The following MBOAT2 variants were observed in gnomAD, a reference collection of about 807,000 sequenced individuals.
MBOAT2 encodes membrane-bound glycerophospholipid O-acyltransferase 2.
In MBOAT2, 28 loss-of-function variants were observed where a neutral mutation model predicts 63.4. The ratio of observed to expected loss-of-function variants is 0.44; its 90% CI spans 0.33 to 0.61. MBOAT2 has a LOEUF of 0.61. Ranked by LOEUF, MBOAT2 falls within the 20% of genes least tolerant of loss-of-function variation. MBOAT2 has a pLI of 0.03. For synonymous variants in MBOAT2, 211 were observed against 215.6 expected (o/e 0.98, Z 0.19); for missense variants, 470 against 605.8 (o/e 0.78, Z 2.35).
In MBOAT2 at chr2:8,856,598, A is replaced by G. The variant is rs1550254; in HGVS notation, c.*2081T>C. ...GAGACGGAGTCTTCCTCTGTCACCC[A>G]GGCTGGAGTGCAGTGGCACAATTTT... is the stretch of plus-strand genomic sequence containing the variant. On this transcript the variant is annotated 3_prime_UTR_variant, in exon 13 of 13. Coordinates refer to ENST00000305997, the MANE Select transcript of MBOAT2 (RefSeq NM_138799.4). The surrounding 1 kb of genome is among the most constrained non-coding windows in gnomAD (Gnocchi z 4.2). The G allele has an allele frequency of 0.47, 70,415 of 150,564 alleles. 20,209 individuals are homozygous for G. Among genetic ancestry groups the G allele is most frequent in the East Asian group, 0.74 (3,785 of 5,124 alleles). The allele number at this position is 150,564 out of a possible 1,614,324, so 9.3% of individuals were successfully genotyped here.
chr2:8,891,062 C>A (rs1311862565), intron 4 of MBOAT2, among the ~76,000 whole-genome samples: 1 of 152,224 alleles, frequency 6.6e-6, no homozygotes, highest in African/African-American at 2.4e-5. Flanking sequence ...GCACCTAATA[C>A]ACTATCAGTG....
At chr2:8,905,571 C>T (rs1214478024) in intron 4 of MBOAT2, among the ~76,000 whole-genome samples, 3 of 152,114 alleles carry the variant, frequency 2.0e-5, no homozygotes, top group South Asian at 2.1e-4. Context: ...AACCAAACAC[C>T]GCATGTTGTT....
chr2:8,951,069 A>T (rs149573226), intron 2 of MBOAT2, among the ~76,000 whole-genome samples: 2 of 152,110 alleles, frequency 1.3e-5, no homozygotes, highest in South Asian at 2.1e-4. Flanking sequence ...CGTCAGGGAT[A>T]TTGGCCTGTA....
intron 3 of MBOAT2, among the ~76,000 whole-genome samples, chr2:8,917,370 T>C (rs1666259711): frequency 6.6e-6 from 1 of 152,078 alleles, no homozygotes; most frequent in African/African-American, 2.4e-5. Context: ...AAAGGACTTA[T>C]ATCCAAAACA....
intron 2 of MBOAT2, among the ~76,000 whole-genome samples, chr2:8,947,366 T>G (rs1167792526): frequency 1.3e-5 from 2 of 152,204 alleles, no homozygotes; most frequent in African/African-American, 2.4e-5. Flanking sequence ...TGAGGTTATC[T>G]AGATGCTGCA....
At chr2:8,880,075 G>T (rs1663000830) in intron 6 of MBOAT2, among the ~76,000 whole-genome samples, 1 of 151,980 alleles carries the variant, frequency 6.6e-6, no homozygotes, top group Non-Finnish European at 1.5e-5. Context: ...AGCCACTGGA[G>T]GATTTTCATC....
chr2:8,924,604 T>C (rs898012311), intron 3 of MBOAT2, among the ~76,000 whole-genome samples: 2 of 152,072 alleles, frequency 1.3e-5, no homozygotes, highest in African/African-American at 4.8e-5. Flanking sequence ...CAGACACAAA[T>C]AATGACACTG....
intron 1 of MBOAT2, among the ~76,000 whole-genome samples, chr2:8,980,065 A>G (rs1671092132): frequency 6.6e-6 from 1 of 152,190 alleles, no homozygotes; most frequent in Admixed American, 6.5e-5. Flanking sequence ...GCAATTGTGA[A>G]TCATAGAAAA....
chr2:8,858,645 C>T lies in MBOAT2; in HGVS notation c.*34G>A. On this transcript the variant is annotated 3_prime_UTR_variant, in exon 13 of 13. Coordinates refer to ENST00000305997, the MANE Select transcript of MBOAT2 (RefSeq NM_138799.4). Reference sequence around the variant, plus strand: ...TGCTAAGATTGGTTTCTGTTAACATCAAAAAAAAAAAACAGCCCTCAGAGC... The same window carrying T: ...TGCTAAGATTGGTTTCTGTTAACATTAAAAAAAAAAAACAGCCCTCAGAGC... 1.6e-6 allele frequency: 2 copies of T among 1,233,944 alleles called. No individual in the cohort carries two copies. Among genetic ancestry groups the T allele is most frequent in the Non-Finnish European group, 2.2e-6 (2 of 899,974 alleles). The allele number at this position is 1,233,944 out of a possible 1,614,324, so 76.4% of individuals were successfully genotyped here.
At chr2:8,930,048 C>A (rs1667208879) in intron 3 of MBOAT2, among the ~76,000 whole-genome samples, 1 of 152,138 alleles carries the variant, frequency 6.6e-6, no homozygotes, top group Admixed American at 6.5e-5. Context: ...ACCAGCAGAC[C>A]TTATCTATGT....
intron 9 of MBOAT2, 140 bp downstream of exon 9, chr2:8,868,306 T>C: frequency 1.5e-6 from 1 of 670,576 alleles, no homozygotes; most frequent in South Asian, 2.0e-5. Flanking sequence ...TGACGACCAA[T>C]ATGTATTGGT....
chr2:8,864,065 G>A, intron 10 of MBOAT2, 105 bp downstream of exon 10: 1 of 741,406 alleles, frequency 1.3e-6, no homozygotes, highest in Non-Finnish European at 2.2e-6. Context: ...AGGTCACAAT[G>A]TCACTCAACA....
At chr2:8,899,131 G>T (rs1664718785) in intron 4 of MBOAT2, among the ~76,000 whole-genome samples, 1 of 152,160 alleles carries the variant, frequency 6.6e-6, no homozygotes, top group Non-Finnish European at 1.5e-5. Context: ...GGCATTTTTT[G>T]CCCTTCCAAA....
chr2:8,880,434 A>G (rs1303882010), intron 6 of MBOAT2, among the ~76,000 whole-genome samples: 1 of 152,186 alleles, frequency 6.6e-6, no homozygotes, highest in Non-Finnish European at 1.5e-5. Context: ...AGGAGGAGGG[A>G]GACAAATCAG....
intron 1 of MBOAT2, among the ~76,000 whole-genome samples, chr2:8,965,668 C>T (rs913735144): frequency 1.3e-5 from 2 of 152,136 alleles, no homozygotes; most frequent in Admixed American, 6.5e-5. Context: ...CTTACTAGAA[C>T]ACGAGAAAGG....
chr2:8,958,625 G>A lies in MBOAT2; in HGVS notation c.93C>T (p.Cys31=). 6.2e-7 allele frequency: 1 copy of A among 1,600,410 alleles called. No homozygotes were observed. The highest frequency in any genetic ancestry group is 8.5e-7 in the Non-Finnish European group (1 of 1,175,918). The change falls in exon 2 of 13, where the codon TGC becomes TGT. Residue 31 remains cysteine, a synonymous_variant. Coordinates refer to ENST00000305997, the MANE Select transcript of MBOAT2 (RefSeq NM_138799.4). ...TGGCTGCTAGCAAGGCAAAGAGTTG[G>A]CACACTACAAAGTTGACCTGTAAAG... ...LPIDQVNFVV[C]QLFALLAAIW...
In MBOAT2 at chr2:8,862,466, A is replaced by G; in HGVS notation, c.1185+124T>C. The stretch of plus-strand genomic sequence containing the variant: ...TGCACGCAGTACACACCTCGCTTCT[A>G]GTGGAAAGGACAATACTGACCACGA... On this transcript the variant is annotated intron_variant, in intron 11 of 12. Transcript: ENST00000305997. This position sits in a 1 kb window ranked among gnomAD's most constrained non-coding sequence, Gnocchi z 4.3. The G allele has an allele frequency of 7.4e-7, 1 of 1,354,178 alleles. No individual in the cohort carries two copies. Among genetic ancestry groups the G allele is most frequent in the Non-Finnish European group, 1.0e-6 (1 of 987,252 alleles). The allele number at this position is 1,354,178 out of a possible 1,614,324, so 83.9% of individuals were successfully genotyped here.
At chr2:8,983,207 T>C (rs1321851812) in intron 1 of MBOAT2, among the ~76,000 whole-genome samples, 1 of 152,154 alleles carries the variant, frequency 6.6e-6, no homozygotes. Flanking sequence ...AGATGTAAAA[T>C]ACATATTTTC....
chr2:8,923,437 G>C (rs1052573836), intron 3 of MBOAT2, among the ~76,000 whole-genome samples: 3 of 152,098 alleles, frequency 2.0e-5, no homozygotes, highest in Non-Finnish European at 2.9e-5. Context: ...AACAGTTTTA[G>C]ACACCCCTAT....
Sources: gnomAD v4.1 joint callset for allele counts (sites outside exome capture counted in the v4.1 genomes callset) on GRCh38, gnomAD v4.1.1 for gene constraint, Gnocchi (gnomAD v3.1) non-coding constraint, MANE v1.5 for transcripts, NCBI Gene and HGNC (gene_info 2026-07-23, HGNC 2026-07-21) for gene names.